Variants in BBOF1 observed in about 807,000 individuals in gnomAD.
BBOF1 encodes basal body-orientation factor 1.
A neutral mutation model predicts 68.0 loss-of-function variants in BBOF1; 62 were observed. The observed-to-expected ratio is 0.91, with a 90% CI of 0.74 to 1.13. The LOEUF (loss-of-function observed/expected upper bound fraction) is 1.13, where lower values mean the gene tolerates loss of function less well. Among genes scored for constraint, BBOF1 ranks in the 50% most tolerant of loss-of-function variants. The pLI, the probability that BBOF1 is intolerant of heterozygous loss-of-function variation, is 0.00. For missense variants in BBOF1, 534 were observed against 600.1 expected, an observed-to-expected ratio of 0.89 and a Z score of 1.15; for synonymous variants, 208 against 198.8, an observed-to-expected ratio of 1.05 and a Z score of -0.39.
chr14:74,032,727 C>T (rs62005084), intron 3 of BBOF1, among the ~76,000 whole-genome samples: 15,214 of 149,440 alleles, frequency 0.1, 832 homozygotes, highest in South Asian at 0.18. Context: ...CTCCTGACCT[C>T]GTGATCCACC....
rs116556894 is a variant in BBOF1 at position 74,081,896 on chromosome 14, C to T, written n.1639+622C>T. Among the ~76,000 whole-genome samples, 1,053 of 152,246 alleles carry T rather than the reference C, an allele frequency of 6.9e-3. 15 individuals are homozygous for T. The highest frequency in any genetic ancestry group is 0.024 in the African/African-American group (1,013 of 41,542). ...TAACCATATCACCGACAGTGCAAGT[C>T]GCTACATCTCTTCAAGAGTAATTTT... is the stretch of plus-strand genomic sequence containing the variant. On this transcript the variant is annotated intron_variant and non_coding_transcript_variant, in intron 12 of 12. Transcript: ENST00000492026.
In BBOF1 at chr14:74,023,841, G is replaced by A. The variant is rs76623547; in HGVS notation, c.285+697G>A. ...TGAGGCAGGAGAATTGCTTGAACCC[G>A]GGAGGCAGAGGTTGCAGCGAGCTGA... On this transcript the variant is annotated intron_variant, in intron 2 of 11. Transcript: ENST00000394009. 5.0e-3 allele frequency among the ~76,000 whole-genome samples: 754 copies of A among 150,086 alleles called. 11 individuals carry two copies. The highest frequency in any genetic ancestry group is 0.027 in the Admixed American group (403 of 15,056).
At chr14:74,075,202 C>A (rs2060599094) in intron 9 of BBOF1, among the ~76,000 whole-genome samples, 1 of 151,910 alleles carries the variant, frequency 6.6e-6, no homozygotes, top group South Asian at 2.1e-4. Flanking sequence ...AACAATAAAC[C>A]ATAATAATCA....
intron 4 of BBOF1, among the ~76,000 whole-genome samples, chr14:74,035,198 T>A (rs192999889): frequency 4.6e-5 from 7 of 152,016 alleles, no homozygotes; most frequent in Admixed American, 4.6e-4. Context: ...TGGTAAAAAT[T>A]ATATAAACAG....
At chr14:74,054,167 C>T (rs564477989) in intron 8 of BBOF1, among the ~76,000 whole-genome samples, 3 of 152,130 alleles carry the variant, frequency 2.0e-5, no homozygotes, top group South Asian at 2.1e-4. Context: ...TGAACCACTG[C>T]GCGCAGCCTA....
chr14:74,037,924 T>C (rs1017753349), intron 4 of BBOF1, among the ~76,000 whole-genome samples: 2 of 151,236 alleles, frequency 1.3e-5, no homozygotes, highest in Admixed American at 1.3e-4. Flanking sequence ...CATTGCACTC[T>C]GGCCTGGGCA....
In BBOF1 at chr14:74,049,793, T is replaced by G; in HGVS notation, c.884T>G (p.Leu295Trp). The change falls in exon 8 of 12, where the codon TTG becomes TGG. Residue 295 changes from leucine (L) to tryptophan (W), a missense_variant. Leu to Trp is a moderately conservative substitution (Grantham distance 61, BLOSUM62 -2). Coordinates refer to ENST00000394009, the MANE Select transcript of BBOF1 (RefSeq NM_025057.3). ...IQTLQKKVVN[L>W]ETALSYMTKE... ...ACCCTTCAGAAGAAGGTAGTAAACT[T>G]GGAGACTGCTCTGAGTTACATGACC... The G allele has an allele frequency of 6.2e-7, 1 of 1,614,158 alleles. No individual in the cohort carries two copies. The highest frequency in any genetic ancestry group is 8.5e-7 in the Non-Finnish European group (1 of 1,180,032).
intron 9 of BBOF1, among the ~76,000 whole-genome samples, chr14:74,077,337 G>A (rs1241491848): frequency 1.3e-5 from 2 of 152,116 alleles, no homozygotes; most frequent in Non-Finnish European, 2.9e-5. Context: ...TCTCTGTGTT[G>A]TAATTGTTTG....
downstream of BBOF1, among the ~76,000 whole-genome samples, chr14:74,068,701 C>T (rs1322741348): frequency 1.3e-5 from 2 of 152,052 alleles, no homozygotes; most frequent in Non-Finnish European, 1.5e-5. Context: ...CGAGATCATG[C>T]CACTGCACTC....
chr14:74,066,728 G>A, downstream of BBOF1: 1 of 1,613,974 alleles, frequency 6.2e-7, no homozygotes, highest in Non-Finnish European at 8.5e-7. Context: ...ATGATGGTTG[G>A]TCCAACAAAG....
In BBOF1 at chr14:74,034,055, G is replaced by A. The variant is rs748275958; in HGVS notation, c.379G>A (p.Glu127Lys). 8 of 1,603,270 alleles carry A rather than the reference G, an allele frequency of 5.0e-6. No individual in the cohort carries two copies. In the South Asian group the frequency reaches 9.0e-5, roughly 18 times the overall value. ...LEQKYTRQIN[E>K]LEGQFHQKAK... ...ACAAAAGTATACCAGGCAAATTAAT[G>A]AACTAGAGGGACAGTTCCATCAAAA... The change falls in exon 4 of 12, where the codon GAA becomes AAA. Residue 127 changes from glutamate (E) to lysine (K), a missense_variant. Glu to Lys is a moderately conservative substitution (Grantham distance 56). Transcript: ENST00000394009.
intron 4 of BBOF1, among the ~76,000 whole-genome samples, chr14:74,035,443 G>C (rs2059674908): frequency 1.5e-5 from 2 of 131,810 alleles, no homozygotes; most frequent in Admixed American, 8.3e-5. Context: ...TTGAGACAGA[G>C]TCTTACTCCA....
chr14:74,043,268 C>T (rs552366885), intron 5 of BBOF1, among the ~76,000 whole-genome samples: 5 of 151,974 alleles, frequency 3.3e-5, no homozygotes, highest in Middle Eastern at 3.4e-3. Context: ...AAGACAGAGT[C>T]GGCCAGGCGC....
intron 2 of BBOF1, among the ~76,000 whole-genome samples, chr14:74,028,948 C>CCACA (rs530371320): frequency 0.1 from 15,099 of 148,388 alleles, 807 homozygotes; most frequent in South Asian, 0.18. Flanking sequence ...TTATTTTTAA[C>CCACA]CACACACACA....
In BBOF1 at chr14:74,039,113, G is replaced by A. The variant is rs542066087; in HGVS notation, c.496-1452G>A. 2.1e-4 allele frequency among the ~76,000 whole-genome samples: 32 copies of A among 152,188 alleles called. 1 individual carries two copies. The South Asian group carries it at 6.6e-3, about 32-fold the overall frequency. On this transcript the variant is annotated intron_variant, in intron 4 of 11. Coordinates refer to ENST00000394009, the MANE Select transcript of BBOF1 (RefSeq NM_025057.3). ...GATCCATCCCTTACAATTACACTAT[G>A]TAACGATTGTATAGTTTCTTTTTTC... is the stretch of plus-strand genomic sequence containing the variant.
At chr14:74,066,536 G>C (rs2060468693), downstream of BBOF1, among the ~76,000 whole-genome samples, 1 of 152,084 alleles carries the variant, frequency 6.6e-6, no homozygotes, top group African/African-American at 2.4e-5. Flanking sequence ...AGTTTGGTTG[G>C]GAGTTAGAAG....
In BBOF1 at chr14:74,074,129, T is replaced by A. The variant is rs182276851; in HGVS notation, n.1380-4067T>A. Among the ~76,000 whole-genome samples the A allele has an allele frequency of 4.6e-5, 7 of 151,090 alleles. No homozygotes were observed. In the East Asian group the frequency reaches 1.4e-3, roughly 30 times the overall value. On this transcript the variant is annotated intron_variant and non_coding_transcript_variant, in intron 9 of 12. Transcript: ENST00000492026. ...CCTCCCAGGCAGCTGGGACCATAGG[T>A]ACGCACCACCACGCCTGGCTAATTT...
At chr14:74,064,612 C>T in intron 11 of BBOF1, 76 bp from the exon 12 acceptor site, 1 of 1,454,670 alleles carries the variant, frequency 6.9e-7, no homozygotes, top group Non-Finnish European at 9.6e-7. Context: ...GCTCTTTCCT[C>T]AAAACTTTGT....
chr14:74,037,842 C>G (rs1393887025), intron 4 of BBOF1, among the ~76,000 whole-genome samples: 4 of 151,870 alleles, frequency 2.6e-5, no homozygotes, highest in Non-Finnish European at 5.9e-5. Context: ...GTAATCCCAG[C>G]TACTCGGGAG....
Sources: gnomAD v4.1 joint callset for allele counts (sites outside exome capture counted in the v4.1 genomes callset) on GRCh38, gnomAD v4.1.1 for gene constraint, MANE v1.5 for transcripts, NCBI Gene and HGNC (gene_info 2026-07-23, HGNC 2026-07-21) for gene names.